The following DSCAM variants were observed in gnomAD, a reference collection of about 807,000 sequenced individuals.
DSCAM encodes the protein cell adhesion molecule DSCAM.
A neutral mutation model predicts 217.7 loss-of-function variants in DSCAM; 47 were observed. The observed-to-expected ratio is 0.22, with a 90% CI of 0.17 to 0.28. The LOEUF is 0.28. DSCAM is among the 10% of genes least tolerant of loss of function. The pLI, the probability that DSCAM is intolerant of heterozygous loss-of-function variation, is 1.00. For synonymous variants in DSCAM, 1,056 were observed against 1,015.3 expected (o/e 1.04, Z -0.76); for missense variants, 2,080 against 2,618.3 (o/e 0.79, Z 4.49).
At chr21:40,368,952 A>G (rs2074863779) in intron 4 of DSCAM, 147 bp downstream of exon 4, 1 of 883,678 alleles carries the variant, frequency 1.1e-6, no homozygotes, top group Non-Finnish European at 1.6e-6. Context: ...TATTCATTTA[A>G]AAGAGTTTTA....
chr21:40,633,623 T>C (rs1260454143), intron 3 of DSCAM, among the ~76,000 whole-genome samples: 1 of 152,214 alleles, frequency 6.6e-6, no homozygotes, highest in Non-Finnish European at 1.5e-5. Context: ...CATGGCGATT[T>C]TTCTATTTTG....
chr21:40,356,825 A>C (rs1036296925), intron 4 of DSCAM, among the ~76,000 whole-genome samples: 5 of 152,230 alleles, frequency 3.3e-5, no homozygotes, highest in African/African-American at 1.2e-4. Context: ...ATTAGTAGGA[A>C]GACTTCTTTA....
intron 3 of DSCAM, among the ~76,000 whole-genome samples, chr21:40,440,723 CTTGGCTGTGTGTGACATGAGT>C (rs2075622621): frequency 2.5e-4 from 1 of 4,068 alleles, no homozygotes; most frequent in Non-Finnish European, 6.0e-4. Context: ...AGGTCTGAGT[CTTGGCTGTGTGTGACATGAGT>C]CTTGGCTGTG....
intron 3 of DSCAM, among the ~76,000 whole-genome samples, chr21:40,533,537 CCATCCATTCATCCATCCATT>C (rs1433601341): frequency 5.5e-5 from 1 of 18,092 alleles, no homozygotes; most frequent in Non-Finnish European, 3.6e-4. Flanking sequence ...GTCCATCCAT[CCATCCATTCATCCATCCATT>C]CATCCATCCA....
At chr21:40,637,556 TATAC>T (rs1196212101) in intron 3 of DSCAM, among the ~76,000 whole-genome samples, 1 of 96,840 alleles carries the variant, frequency 1.0e-5, no homozygotes, top group Non-Finnish European at 1.9e-5. Context: ...TATATAAATA[TATAC>T]ATATATAAAT....
intron 14 of DSCAM, among the ~76,000 whole-genome samples, chr21:40,185,899 A>G (rs768606167): frequency 1.5e-4 from 23 of 152,092 alleles, no homozygotes; most frequent in Non-Finnish European, 2.2e-4. Flanking sequence ...TTTCTTGGCT[A>G]CGGTGAGACT....
chr21:40,067,054 C>T (rs1426863176), intron 27 of DSCAM, among the ~76,000 whole-genome samples: 1 of 152,134 alleles, frequency 6.6e-6, no homozygotes, highest in East Asian at 1.9e-4. Flanking sequence ...CCTGACCTAC[C>T]AAACATCAGG....
intron 3 of DSCAM, among the ~76,000 whole-genome samples, chr21:40,504,700 A>G (rs558048061): frequency 1.3e-4 from 20 of 152,254 alleles, no homozygotes; most frequent in African/African-American, 4.3e-4. Context: ...CTGTGTTCCA[A>G]TGGAACCTGG....
chr21:40,655,481 C>T (rs2090064675), intron 3 of DSCAM, among the ~76,000 whole-genome samples: 1 of 149,790 alleles, frequency 6.7e-6, no homozygotes, highest in Non-Finnish European at 1.5e-5. Context: ...CTCACTCTGT[C>T]ACCCAGGCTG....
intron 24 of DSCAM, among the ~76,000 whole-genome samples, chr21:40,083,248 G>T (rs943353343): frequency 1.3e-5 from 2 of 152,188 alleles, no homozygotes; most frequent in African/African-American, 4.8e-5. Flanking sequence ...GGCCAACATG[G>T]CAAAACCCCG....
At chr21:40,409,436 G>C (rs1465656063) in intron 3 of DSCAM, among the ~76,000 whole-genome samples, 2 of 152,140 alleles carry the variant, frequency 1.3e-5, no homozygotes, top group African/African-American at 2.4e-5. Context: ...CCAGCCTGAT[G>C]GTCTCTTCTC....
chr21:40,753,853 T>A (rs1230931609), intron 1 of DSCAM, among the ~76,000 whole-genome samples: 1 of 152,182 alleles, frequency 6.6e-6, no homozygotes, highest in Non-Finnish European at 1.5e-5. Context: ...GAACCGCACC[T>A]GAAGTGGAGC....
At chr21:40,586,150 C>A (rs1435328477) in intron 3 of DSCAM, among the ~76,000 whole-genome samples, 1 of 152,156 alleles carries the variant, frequency 6.6e-6, no homozygotes, top group African/African-American at 2.4e-5. Context: ...AGCCAACATG[C>A]CTGGTCCGTG....
intron 3 of DSCAM, among the ~76,000 whole-genome samples, chr21:40,638,001 G>T (rs1463060217): frequency 6.6e-6 from 1 of 151,826 alleles, no homozygotes; most frequent in Non-Finnish European, 1.5e-5. Context: ...TATATTGATA[G>T]AATTCTCATT....
At chr21:40,057,607 A>G (rs927503814) in intron 28 of DSCAM, among the ~76,000 whole-genome samples, 1 of 152,198 alleles carries the variant, frequency 6.6e-6, no homozygotes, top group African/African-American at 2.4e-5. Context: ...TTAAACAACA[A>G]TAAGGGGTCT....
chr21:40,731,941 G>A (rs2091017400), intron 1 of DSCAM, among the ~76,000 whole-genome samples: 1 of 152,092 alleles, frequency 6.6e-6, no homozygotes, highest in Non-Finnish European at 1.5e-5. Context: ...TGGCCCGGCT[G>A]GTCTCAAACT....
chr21:40,353,234 A>T (rs2074652749), intron 5 of DSCAM, among the ~76,000 whole-genome samples: 1 of 152,170 alleles, frequency 6.6e-6, no homozygotes, highest in Non-Finnish European at 1.5e-5. Context: ...AGGTTTGGGG[A>T]TCAGAAAGAT....
chr21:40,800,822 T>C (rs1293447444), intron 1 of DSCAM, among the ~76,000 whole-genome samples: 2 of 151,556 alleles, frequency 1.3e-5, no homozygotes, highest in African/African-American at 2.4e-5. Context: ...TTCAAGTGAT[T>C]CTCCTGCCTC....
rs564284425 is a variant in DSCAM, at chr21:40,598,755, G to A, written c.508+94055C>T. 3.2e-4 allele frequency among the ~76,000 whole-genome samples: 49 copies of A among 151,710 alleles called. No homozygotes were observed. The South Asian group carries it at 9.2e-3, about 28-fold the overall frequency. ...CTTGACCTTGTGATCTGCCCACCTC[G>A]GCCTCCCAAAGTGCTGGGATTACAG... On this transcript the variant is annotated intron_variant, in intron 3 of 32. Coordinates refer to ENST00000400454, the MANE Select transcript of DSCAM (RefSeq NM_001389.5).
Sources: gnomAD v4.1 joint callset for allele counts (sites outside exome capture counted in the v4.1 genomes callset) on GRCh38, gnomAD v4.1.1 for gene constraint, MANE v1.5 for transcripts, NCBI Gene and HGNC (gene_info 2026-07-23, HGNC 2026-07-21) for gene names.